The following DENND1B variants were observed in gnomAD, a reference collection of about 807,000 sequenced individuals.
DENND1B encodes DENN domain containing 1B.
In DENND1B, 59 loss-of-function variants were observed where a neutral mutation model predicts 90.1. That is an observed-to-expected ratio of 0.65 (90% CI 0.53 to 0.81). DENND1B has a LOEUF of 0.81. Ranked by LOEUF, DENND1B falls within the 40% of genes least tolerant of loss-of-function variation. DENND1B has a pLI of 0.00. For synonymous variants in DENND1B, 337 were observed against 324.6 expected (o/e 1.04, Z -0.41); for missense variants, 862 against 912.6 (o/e 0.94, Z 0.71).
At chr1:197,631,213 G>A (rs959642671) in intron 10 of DENND1B, among the ~76,000 whole-genome samples, 11 of 152,176 alleles carry the variant, frequency 7.2e-5, no homozygotes, top group Non-Finnish European at 1.6e-4. Context: ...AGGATGAAGG[G>A]TTAGGATATG....
chr1:197,773,139 G>A (rs978866559), intron 1 of DENND1B: 8 of 558,852 alleles, frequency 1.4e-5, no homozygotes, highest in African/African-American at 1.3e-4. Flanking sequence ...TGAAACTTGG[G>A]GCAAAGCATT....
chr1:197,594,330 TAACTGAGTTAC>T (rs1291237325), intron 14 of DENND1B, among the ~76,000 whole-genome samples: 3 of 152,192 alleles, frequency 2.0e-5, no homozygotes, highest in South Asian at 2.1e-4. Context: ...CAATTGAGTT[TAACTGAGTTAC>T]AACTGAGTTA....
chr1:197,755,487 T>G (rs968030687), intron 2 of DENND1B, among the ~76,000 whole-genome samples: 35 of 151,768 alleles, frequency 2.3e-4, no homozygotes, highest in African/African-American at 7.7e-4. Context: ...AGATCGGACT[T>G]TTAAAAATGG....
intron 15 of DENND1B, among the ~76,000 whole-genome samples, chr1:197,559,584 G>A (rs899737875): frequency 1.3e-5 from 2 of 151,940 alleles, no homozygotes; most frequent in Admixed American, 1.3e-4. Flanking sequence ...AGTCTTGAGA[G>A]CTAGAGAAAA....
At chr1:197,720,659 T>C (rs1240610754) in intron 2 of DENND1B, among the ~76,000 whole-genome samples, 1 of 152,178 alleles carries the variant, frequency 6.6e-6, no homozygotes, top group Non-Finnish European at 1.5e-5. Flanking sequence ...TCGACACTTT[T>C]GCCATTTTTC....
rs1571895632 is a variant in DENND1B, at chr1:197,565,307, T to C, written c.1150-12195A>G. ...ACTCCTTTTATTCAACATCTTATTA[T>C]GTCAGGGAAAGTAGATCACAGCACA... On this transcript the variant is annotated intron_variant, in intron 15 of 22. Coordinates refer to ENST00000620048, the MANE Select transcript of DENND1B (RefSeq NM_001195215.2). 2.0e-5 allele frequency among the ~76,000 whole-genome samples: 3 copies of C among 152,112 alleles called. No individual in the cohort carries two copies. The East Asian group carries it at 5.8e-4, about 29-fold the overall frequency.
intron 6 of DENND1B, among the ~76,000 whole-genome samples, chr1:197,657,644 A>AAAAATGTGGACACTGTGG (rs367906964): frequency 1.3e-5 from 2 of 152,138 alleles, no homozygotes; most frequent in Non-Finnish European, 2.9e-5. Context: ...GATGGGAATG[A>AAAAATGTGGACACTGTGG]AAAATGTGGA....
intron 2 of DENND1B, chr1:197,747,114 T>G: frequency 1.3e-6 from 1 of 772,422 alleles, no homozygotes; most frequent in Non-Finnish European, 2.3e-6. Flanking sequence ...GAGATTCTTT[T>G]TCATTCCTCA....
chr1:197,753,756 T>C lies in DENND1B; in HGVS notation c.82+19112A>G, dbSNP rs990387066. Reference sequence around the variant, plus strand: ...TGGCTCACGCCTATAATCCCAACACTTTGGAAGGCCCAGGCAGGCAGATCG... The same window carrying C: ...TGGCTCACGCCTATAATCCCAACACCTTGGAAGGCCCAGGCAGGCAGATCG... On this transcript the variant is annotated intron_variant, in intron 2 of 22. Transcript: ENST00000620048. 3.9e-5 allele frequency among the ~76,000 whole-genome samples: 6 copies of C among 152,030 alleles called. 1 individual carries two copies. The highest frequency in any genetic ancestry group is 1.5e-4 in the African/African-American group (6 of 41,288).
At chr1:197,600,719 A>T (rs539587316) in intron 13 of DENND1B, among the ~76,000 whole-genome samples, 2 of 151,786 alleles carry the variant, frequency 1.3e-5, no homozygotes, top group Non-Finnish European at 2.9e-5. Context: ...AGGATAATAA[A>T]CAAACAGTAT....
At chr1:197,638,535 G>A (rs1434716412) in intron 10 of DENND1B, among the ~76,000 whole-genome samples, 1 of 152,186 alleles carries the variant, frequency 6.6e-6, no homozygotes, top group African/African-American at 2.4e-5. Context: ...AAAGTCTGGT[G>A]AGGTACAATT....
intron 7 of DENND1B, among the ~76,000 whole-genome samples, chr1:197,651,836 T>C (rs2125935870): frequency 6.6e-6 from 1 of 151,864 alleles, no homozygotes; most frequent in East Asian, 1.9e-4. Flanking sequence ...TTTGTATTTT[T>C]AGTAGAGATG....
Position 197,775,132 on chromosome 1 carries a change from C to G in DENND1B, c.17+7G>C, listed in dbSNP as rs765956367. On this transcript the variant is annotated splice_region_variant and intron_variant, in intron 1 of 22. Coordinates refer to ENST00000620048, the MANE Select transcript of DENND1B (RefSeq NM_001195215.2). ...CGCCCCCGACGCGCCCGGGCCCCCC[C>G]ACTCACTTGGTCCTGCAGTCCATGG... 1.9e-5 allele frequency: 25 copies of G among 1,291,936 alleles called. No individual in the cohort carries two copies. Among genetic ancestry groups the G allele is most frequent in the East Asian group, 3.3e-5 (1 of 30,332 alleles). The allele number at this position is 1,291,936 out of a possible 1,614,324, so 80.0% of individuals were successfully genotyped here. A position where few individuals can be genotyped will look rare whatever the true frequency, so the allele number is the denominator to read the frequency against.
intron 18 of DENND1B, among the ~76,000 whole-genome samples, chr1:197,544,801 A>AGAAGAAGAGGAAGAG (rs1670606689): frequency 1.4e-5 from 2 of 140,446 alleles, no homozygotes; most frequent in African/African-American, 2.6e-5. Context: ...AAGAGGAGGA[A>AGAAGAAGAGGAAGAG]GAAGAAGAAG....
At chr1:197,641,169 C>A (rs1680241341) in intron 10 of DENND1B, among the ~76,000 whole-genome samples, 1 of 152,164 alleles carries the variant, frequency 6.6e-6, no homozygotes, top group Non-Finnish European at 1.5e-5. Context: ...GCCTAATAAA[C>A]ATTTGTTACA....
intron 20 of DENND1B, among the ~76,000 whole-genome samples, chr1:197,520,467 C>T (rs1382050753): frequency 6.6e-6 from 1 of 151,640 alleles, no homozygotes; most frequent in Non-Finnish European, 1.5e-5. Flanking sequence ...GTTGATGTTC[C>T]TAAATAATGA....
chr1:197,706,006 G>GTCTT (rs10640942), intron 3 of DENND1B, among the ~76,000 whole-genome samples: 151,801 of 152,300 alleles, frequency 1, 75,651 homozygotes, highest in East Asian at 1. Context: ...TAATTTCTAA[G>GTCTT]TCAGATTGAC....
intron 11 of DENND1B, among the ~76,000 whole-genome samples, chr1:197,612,946 A>C (rs534567685): frequency 6.6e-6 from 1 of 150,970 alleles, no homozygotes; most frequent in African/African-American, 2.4e-5. Context: ...ACAGAAAAAC[A>C]TGAGAATTGA....
chr1:197,566,107 C>T (rs1416173956), intron 15 of DENND1B, among the ~76,000 whole-genome samples: 1 of 152,038 alleles, frequency 6.6e-6, no homozygotes, highest in East Asian at 1.9e-4. Flanking sequence ...GTCCCACCAA[C>T]AGTGTAAAAG....
Sources: gnomAD v4.1 joint callset for allele counts (sites outside exome capture counted in the v4.1 genomes callset) on GRCh38, gnomAD v4.1.1 for gene constraint, MANE v1.5 for transcripts, NCBI Gene and HGNC (gene_info 2026-07-23, HGNC 2026-07-21) for gene names.